FGD6: variants seen among roughly 807,000 people sequenced by gnomAD.
FGD6 encodes the protein FYVE, RhoGEF and PH domain containing 6, also known as FYVE, RhoGEF and PH domain-containing protein 6.
FGD6 carries 90 observed loss-of-function variants against 149.4 expected under a neutral mutation model. The observed-to-expected ratio is 0.60, with a 90% CI of 0.51 to 0.72. The LOEUF (loss-of-function observed/expected upper bound fraction) is 0.72, where lower values mean the gene tolerates loss of function less well. FGD6 is among the 30% of genes least tolerant of loss of function. The pLI, the probability that FGD6 is intolerant of heterozygous loss-of-function variation, is 0.00. For synonymous variants in FGD6, 527 were observed against 584.0 expected, an observed-to-expected ratio of 0.90 and a Z score of 1.41; for missense variants, 1,437 against 1,684.8, an observed-to-expected ratio of 0.85 and a Z score of 2.57.
intron 8 of FGD6, among the ~76,000 whole-genome samples, chr12:95,121,485 A>G (rs61183389): frequency 0.032 from 738 of 22,810 alleles, 4 homozygotes; most frequent in South Asian, 0.11. Context: ...ATATATGTAT[A>G]TATATATATA....
chr12:95,104,576 A>G (rs1224304559), intron 14 of FGD6, among the ~76,000 whole-genome samples: 1 of 151,920 alleles, frequency 6.6e-6, no homozygotes, highest in African/African-American at 2.4e-5. Context: ...AGCTGGGACT[A>G]CAGGTGCCTG....
At chr12:95,179,319 G>T (rs10859845) in intron 2 of FGD6, among the ~76,000 whole-genome samples, 41,822 of 150,876 alleles carry the variant, frequency 0.28, 6,314 homozygotes, top group East Asian at 0.39. Flanking sequence ...GGGCAACACA[G>T]GGAGAGACCC....
In FGD6 at chr12:95,210,815, T is replaced by G. The variant is rs1198749995; in HGVS notation, c.469A>C (p.Ser157Arg). ...TTTTCACCATACAAATCACATTTAC[T>G]CCTAGTTTTTATAGTCAAAGTCTCA... ...IDETLTIKTR[S>R]KCDLYGEKAK... Residue 157 changes from serine to arginine, a missense_variant, in exon 2 of 21, where the codon AGT becomes CGT. By Grantham distance (110) the Ser-to-Arg change is moderately radical. Transcript: ENST00000343958. The G allele has an allele frequency of 3.1e-6, 5 of 1,613,726 alleles. No homozygotes were observed. Among genetic ancestry groups the G allele is most frequent in the African/African-American group, 1.3e-5 (1 of 74,994 alleles).
intron 14 of FGD6, among the ~76,000 whole-genome samples, chr12:95,100,092 A>C: frequency 7.8e-6 from 1 of 127,444 alleles, no homozygotes; most frequent in Admixed American, 9.4e-5. Context: ...TCTTGACCTC[A>C]TCACTTTCTA....
At chr12:95,093,619 T>C (rs1287589104) in intron 15 of FGD6, among the ~76,000 whole-genome samples, 5 of 150,204 alleles carry the variant, frequency 3.3e-5, no homozygotes, top group Non-Finnish European at 5.9e-5. Context: ...GAGGTTGTGG[T>C]GAGCCGAGAT....
intron 8 of FGD6, among the ~76,000 whole-genome samples, chr12:95,125,390 T>C (rs988183762): frequency 2.6e-5 from 4 of 152,130 alleles, no homozygotes; most frequent in Non-Finnish European, 5.9e-5. Flanking sequence ...TCCAGCACTT[T>C]AGGAGGCTGA....
intron 5 of FGD6, among the ~76,000 whole-genome samples, chr12:95,142,570 G>A (rs1291420421): frequency 6.6e-6 from 1 of 152,204 alleles, no homozygotes; most frequent in Non-Finnish European, 1.5e-5. Flanking sequence ...GAGCCACCGT[G>A]CCTGGCAGGC....
chr12:95,190,408 G>A (rs1881554881), intron 2 of FGD6, among the ~76,000 whole-genome samples: 1 of 152,166 alleles, frequency 6.6e-6, no homozygotes, highest in African/African-American at 2.4e-5. Context: ...GACCTCAGGT[G>A]ATCTGCCTGC....
intron 5 of FGD6, among the ~76,000 whole-genome samples, chr12:95,143,302 T>G (rs1879910721): frequency 6.6e-6 from 1 of 151,944 alleles, no homozygotes; most frequent in African/African-American, 2.4e-5. Context: ...TGTTTTTTTT[T>G]TTTTTAACTC....
At chr12:95,187,759 C>A (rs1358511270) in intron 2 of FGD6, among the ~76,000 whole-genome samples, 1 of 152,018 alleles carries the variant, frequency 6.6e-6, no homozygotes. Flanking sequence ...AGAACTCCTA[C>A]AGTGAGGTCA....
chr12:95,114,333 C>T (rs11836398), intron 8 of FGD6, among the ~76,000 whole-genome samples: 95,437 of 151,450 alleles, frequency 0.63, 30,332 homozygotes, highest in East Asian at 0.68. Flanking sequence ...AGACTGGACT[C>T]GGTGGCTGAT....
chr12:95,147,783 A>C (rs1264621856), intron 5 of FGD6, among the ~76,000 whole-genome samples: 1 of 152,198 alleles, frequency 6.6e-6, no homozygotes, highest in Non-Finnish European at 1.5e-5. Context: ...ACGAGGATTA[A>C]AACAGATAAT....
chr12:95,209,141 T>C lies in FGD6; in HGVS notation c.2143A>G (p.Asn715Asp), dbSNP rs1306580461. 6.2e-7 allele frequency: 1 copy of C among 1,614,166 alleles called. No individual in the cohort carries two copies. Among genetic ancestry groups the C allele is most frequent in the Admixed American group, 1.7e-5 (1 of 60,016 alleles). ...TCCAAAGACTCAGCTCTCAGACCATTAGCTGCACTGGTCTGGCCCCGAGAC... is the reference window on the plus strand; with the variant it reads ...TCCAAAGACTCAGCTCTCAGACCATCAGCTGCACTGGTCTGGCCCCGAGAC... ...KKSRGQTSAA[N>D]GLRAESLDDQ... Residue 715 changes from asparagine (N) to aspartate (D), a missense_variant, in exon 2 of 21, where the codon AAT (asparagine) becomes GAT (aspartate). Physicochemically the swap from Asn to Asp is conservative, Grantham distance 23. Around this residue, in one of 2 missense-constraint regions of FGD6, gnomAD observed 1,055 missense variants for 1,146.0 expected, o/e 0.92. Coordinates refer to ENST00000343958, the MANE Select transcript of FGD6 (RefSeq NM_018351.4).
At position 95,077,152 on chromosome 12, in the gene FGD6, G is replaced by A. The variant is rs1465766947; in HGVS notation, c.*4368C>T. On this transcript the variant is annotated 3_prime_UTR_variant, in exon 21 of 21. Coordinates refer to ENST00000343958, the MANE Select transcript of FGD6 (RefSeq NM_018351.4). Reference sequence around the variant, plus strand: ...TTAAAAGTGGCATGAGCCCTAGAATGATATGTGTATTAGAGGCACTTAAAA... The same window carrying A: ...TTAAAAGTGGCATGAGCCCTAGAATAATATGTGTATTAGAGGCACTTAAAA... 1 of 152,168 alleles carries A rather than the reference G, an allele frequency of 6.6e-6. No individual in the cohort carries two copies. Among genetic ancestry groups the A allele is most frequent in the Non-Finnish European group, 1.5e-5 (1 of 68,040 alleles). 9.4% of individuals were successfully genotyped at this position (152,168 alleles called of 1,614,324 possible). A position where few individuals can be genotyped will look rare whatever the true frequency, so the allele number is the denominator to read the frequency against.
intron 3 of FGD6, among the ~76,000 whole-genome samples, chr12:95,169,954 C>T (rs1337988421): frequency 6.6e-6 from 1 of 151,880 alleles, no homozygotes; most frequent in Non-Finnish European, 1.5e-5. Context: ...AACTCCTTCT[C>T]TATTAAAAAT....
At chr12:95,114,676 T>C (rs918460692) in intron 8 of FGD6, among the ~76,000 whole-genome samples, 4 of 152,212 alleles carry the variant, frequency 2.6e-5, no homozygotes, top group South Asian at 2.1e-4. Context: ...GAAGAACCTA[T>C]ATTTAATAAA....
rs553662667 is a variant in FGD6, at chr12:95,207,565, T to C, written c.2441+1278A>G. Reference sequence around the variant, plus strand: ...AGAAATACAATGGAAAAGCTACCTATGCGACTATGGAGAGAAGGAAGCCGC... The same window carrying C: ...AGAAATACAATGGAAAAGCTACCTACGCGACTATGGAGAGAAGGAAGCCGC... On this transcript the variant is annotated intron_variant, in intron 2 of 20. Transcript: ENST00000343958. 1.3e-3 allele frequency among the ~76,000 whole-genome samples: 204 copies of C among 152,324 alleles called. 1 individual carries two copies. The highest frequency in any genetic ancestry group is 4.8e-3 in the African/African-American group (198 of 41,576).
chr12:95,185,470 A>G (rs1881402316), intron 2 of FGD6, among the ~76,000 whole-genome samples: 1 of 152,214 alleles, frequency 6.6e-6, no homozygotes. Flanking sequence ...ATGCTCTTTC[A>G]GCCTAAGAGA....
At chr12:95,133,478 A>C (rs1879582253) in intron 8 of FGD6, among the ~76,000 whole-genome samples, 1 of 152,166 alleles carries the variant, frequency 6.6e-6, no homozygotes. Context: ...CCCTAAAGAG[A>C]AATGAGGAAA....
Sources: gnomAD v4.1 joint callset for allele counts (sites outside exome capture counted in the v4.1 genomes callset) on GRCh38, gnomAD v4.1.1 for gene constraint, gnomAD v4.1.1 regional missense constraint, MANE v1.5 for transcripts, NCBI Gene and HGNC (gene_info 2026-07-23, HGNC 2026-07-21) for gene names.